USH2A: variants seen among roughly 807,000 people sequenced by gnomAD.
USH2A encodes Usher syndrome 2A (autosomal recessive, mild).
In USH2A, 443 loss-of-function variants were observed where a neutral mutation model predicts 538.9. The observed-to-expected ratio is 0.82, with a 90% CI of 0.76 to 0.89. USH2A has a LOEUF of 0.89. Ranked by LOEUF, USH2A falls within the 40% of genes least tolerant of loss-of-function variation. The pLI is 0.00. For missense variants in USH2A, 6,633 were observed against 6,324.8 expected (o/e 1.05, Z -1.65); for synonymous variants, 2,413 against 2,273.5 (o/e 1.06, Z -1.75).
At chr1:216,227,844 G>C (rs1459800133) in intron 14 of USH2A, among the ~76,000 whole-genome samples, 1 of 152,172 alleles carries the variant, frequency 6.6e-6, no homozygotes, top group Non-Finnish European at 1.5e-5. Flanking sequence ...ATACATGGTA[G>C]TGCTTCAGAT....
At chr1:215,682,563 C>T (rs1315631589) in intron 61 of USH2A, among the ~76,000 whole-genome samples, 1 of 152,052 alleles carries the variant, frequency 6.6e-6, no homozygotes, top group African/African-American at 2.4e-5. Context: ...TAAACATTTA[C>T]GGCTCAGATC....
intron 32 of USH2A, among the ~76,000 whole-genome samples, chr1:216,002,798 G>A (rs763230060): frequency 8.5e-5 from 13 of 152,104 alleles, no homozygotes; most frequent in African/African-American, 1.2e-4. Flanking sequence ...AAAAAGGCCC[G>A]ATGCTTGCTT....
Position 215,728,365 on chromosome 1 carries a change from C to A in USH2A, c.11731G>T (p.Glu3911Ter). 6.2e-7 allele frequency: 1 copy of A among 1,614,144 alleles called. No homozygotes were observed. The highest frequency in any genetic ancestry group is 8.5e-7 in the Non-Finnish European group (1 of 1,180,036). The change falls in exon 61 of 72, where the codon GAG becomes TAG. Residue 3911 changes from glutamate (E) to a stop codon, truncating the protein, a stop_gained. Transcript: ENST00000307340. LOFTEE classifies it high-confidence loss of function. The stretch of plus-strand genomic sequence containing the variant: ...GACCAGACAAATAAAACAGACTCCT[C>A]TTCAATGCCAGCAGGGCGTCTGAAA... ...FIYRRPAGIEEESVLFVWSEG... is the reference protein window; with the variant it reads ...FIYRRPAGIE
intron 42 of USH2A, 151 bp from the exon 43 acceptor site, chr1:215,878,031 A>G: frequency 8.9e-7 from 1 of 1,127,738 alleles, no homozygotes; most frequent in South Asian, 1.4e-5. Context: ...GTTTTGTTTC[A>G]GATGAACGTT....
In USH2A at chr1:215,782,900, T is replaced by C. The variant is rs141098637; in HGVS notation, c.10423A>G (p.Arg3475Gly). The C allele has an allele frequency of 1.9e-6, 3 of 1,613,670 alleles. No homozygotes were observed. In the African/African-American group the frequency reaches 4.0e-5, roughly 22 times the overall value. Residue 3475 changes from arginine (R) to glycine (G), a missense_variant, in exon 53 of 72, where the codon AGG becomes GGG. Physicochemically the swap from Arg to Gly is moderately radical, Grantham distance 125 (BLOSUM62 -2). Transcript: ENST00000307340. The stretch of plus-strand genomic sequence containing the variant: ...CCATAGCTGTTCCAGGCAGAAATCC[T>C]GTACTCATATGTCATGTAGGGCTTG... Reference protein sequence around the residue: ...NLKPYMTYEYRISAWNSYGRG... With the variant: ...NLKPYMTYEYGISAWNSYGRG...
At chr1:216,423,118 T>G (rs946381832) in intron 1 of USH2A, 96 bp downstream of exon 1, 12 of 152,140 alleles carry the variant, frequency 7.9e-5, no homozygotes, top group Admixed American at 7.2e-4. Context: ...TTTAGCAAAA[T>G]GTTTCTGTGT....
At chr1:215,639,004 C>CA (rs368936764) in intron 69 of USH2A, 151 bp downstream of exon 69, 58,690 of 536,346 alleles carry the variant, frequency 0.11, 2 homozygotes, top group South Asian at 0.15. Flanking sequence ...AAAAAAAAAA[C>CA]AAAAAAAAAA....
At chr1:215,668,440 C>T (rs555384550) in intron 64 of USH2A, among the ~76,000 whole-genome samples, 1 of 152,218 alleles carries the variant, frequency 6.6e-6, no homozygotes, top group South Asian at 2.1e-4. Flanking sequence ...TTGGGCTAAG[C>T]TAGATTTTGA....
At chr1:216,266,344 A>C (rs2036473089) in intron 11 of USH2A, among the ~76,000 whole-genome samples, 1 of 152,166 alleles carries the variant, frequency 6.6e-6, no homozygotes, top group Non-Finnish European at 1.5e-5. Flanking sequence ...TAAGTCACAT[A>C]GAAAATACAG....
intron 9 of USH2A, among the ~76,000 whole-genome samples, chr1:216,309,636 G>C (rs987886473): frequency 6.6e-6 from 1 of 152,120 alleles, no homozygotes; most frequent in East Asian, 1.9e-4. Context: ...ATCTTAGTAG[G>C]AAAGATTCTG....
intron 44 of USH2A, among the ~76,000 whole-genome samples, chr1:215,852,010 A>G (rs1664031190): frequency 6.6e-6 from 1 of 152,200 alleles, no homozygotes. Flanking sequence ...TAAAACCCTC[A>G]GCAAAATAGG....
chr1:215,957,189 A>C (rs1571845737), intron 37 of USH2A, among the ~76,000 whole-genome samples: 1 of 152,270 alleles, frequency 6.6e-6, no homozygotes, highest in Admixed American at 6.5e-5. Flanking sequence ...TTTCCCCTAC[A>C]TTCCCAATGT....
rs752509880 is a variant in USH2A, at chr1:216,199,904, G to T, written c.3534C>A (p.Pro1178=). ...TWTTLSNQSG[P]IEKYILSCAP... ...CACAGGACAAAATATATTTCTCTATGGGACCAGATTGATTTGAGAGTGTTG... is the reference window on the plus strand; with the variant it reads ...CACAGGACAAAATATATTTCTCTATTGGACCAGATTGATTTGAGAGTGTTG... Residue 1178 remains proline (P), a synonymous_variant, in exon 17 of 72, where the codon CCC becomes CCA. Transcript: ENST00000307340. 1 of 1,614,092 alleles carries T rather than the reference G, an allele frequency of 6.2e-7. No homozygotes were observed. Among genetic ancestry groups the T allele is most frequent in the East Asian group, 2.2e-5 (1 of 44,854 alleles).
At chr1:216,190,497 G>A (rs1572033246) in intron 19 of USH2A, 130 bp from the exon 20 acceptor site, 2 of 1,203,712 alleles carry the variant, frequency 1.7e-6, no homozygotes, top group Non-Finnish European at 2.3e-6. Context: ...TTAGGAAAAG[G>A]GTTTTTTTTT....
At chr1:216,176,106 T>C (rs2034377005) in intron 20 of USH2A, among the ~76,000 whole-genome samples, 1 of 152,210 alleles carries the variant, frequency 6.6e-6, no homozygotes, top group African/African-American at 2.4e-5. Flanking sequence ...TTGCCAAAAC[T>C]TTGTGCTTGT....
chr1:215,853,057 C>T (rs946079155), intron 44 of USH2A, among the ~76,000 whole-genome samples: 5 of 152,232 alleles, frequency 3.3e-5, no homozygotes, highest in Non-Finnish European at 5.9e-5. Flanking sequence ...GGCACCCACC[C>T]CTTTTCCCTT....
chr1:215,651,251 A>G (rs565156201), intron 64 of USH2A, among the ~76,000 whole-genome samples: 9 of 152,214 alleles, frequency 5.9e-5, no homozygotes, highest in Non-Finnish European at 1.3e-4. Context: ...ATATGGAACG[A>G]TGTATAATCT....
At chr1:215,778,005 A>G (rs1661513215) in intron 55 of USH2A, among the ~76,000 whole-genome samples, 2 of 152,170 alleles carry the variant, frequency 1.3e-5, no homozygotes, top group South Asian at 4.1e-4. Flanking sequence ...ATAAGATAAA[A>G]GAAATAATTT....
intron 43 of USH2A, among the ~76,000 whole-genome samples, chr1:215,869,057 A>G (rs1297991601): frequency 6.6e-6 from 1 of 152,254 alleles, no homozygotes; most frequent in Non-Finnish European, 1.5e-5. Flanking sequence ...CCAGACAACT[A>G]AAAAATAATA....
Sources: allele counts gnomAD v4.1 joint callset (sites outside exome capture counted in the v4.1 genomes callset), GRCh38; gene constraint gnomAD v4.1.1; transcripts MANE v1.5; gene names NCBI Gene and HGNC (gene_info 2026-07-23, HGNC 2026-07-21).